Variants in EGF observed in about 807,000 individuals in gnomAD.
EGF encodes the protein epidermal growth factor.
In EGF, 95 loss-of-function variants were observed where a neutral mutation model predicts 143.8. That is an observed-to-expected ratio of 0.66 (90% CI 0.56 to 0.78). The LOEUF is 0.78. EGF is among the 30% of genes least tolerant of loss of function. The pLI is 0.00. For synonymous variants in EGF, 510 were observed against 510.5 expected, an observed-to-expected ratio of 1.00 and a Z score of 0.01; for missense variants, 1,320 against 1,470.9, an observed-to-expected ratio of 0.90 and a Z score of 1.68.
intron 21 of EGF, among the ~76,000 whole-genome samples, chr4:110,001,199 G>A (rs1035731275): frequency 3.3e-5 from 5 of 152,210 alleles, no homozygotes; most frequent in Non-Finnish European, 5.9e-5. Flanking sequence ...AACAAGAATA[G>A]TACTTATCTC....
chr4:109,927,991 C>T (rs1270408638), intron 1 of EGF, among the ~76,000 whole-genome samples: 1 of 151,950 alleles, frequency 6.6e-6, no homozygotes, highest in African/African-American at 2.4e-5. Flanking sequence ...GAAGGATTAC[C>T]TATAGCATAG....
At chr4:109,960,773 T>A (rs2126057286) in intron 6 of EGF, 94 bp from the exon 7 acceptor site, 1 of 1,338,586 alleles carries the variant, frequency 7.5e-7, no homozygotes, top group Non-Finnish European at 1.1e-6. Flanking sequence ...TATACAAGTG[T>A]GAGATACCCT....
intron 18 of EGF, among the ~76,000 whole-genome samples, chr4:109,992,841 A>G (rs1027274657): frequency 7.2e-5 from 11 of 151,792 alleles, no homozygotes; most frequent in African/African-American, 2.2e-4. Context: ...GCAAACTATC[A>G]CAAGGACAAA....
chr4:109,975,040 AATTC>A (rs1390061790), intron 12 of EGF, among the ~76,000 whole-genome samples: 2 of 152,202 alleles, frequency 1.3e-5, no homozygotes, highest in African/African-American at 4.8e-5. Flanking sequence ...AATGCACTGT[AATTC>A]ATTAACCAAC....
chr4:109,930,330 A>G (rs897894877), intron 1 of EGF, among the ~76,000 whole-genome samples: 1 of 152,202 alleles, frequency 6.6e-6, no homozygotes, highest in Admixed American at 6.5e-5. Flanking sequence ...CTGTCATTTA[A>G]GTCAGCACCT....
intron 13 of EGF, among the ~76,000 whole-genome samples, chr4:109,977,736 A>G (rs1748719395): frequency 6.6e-6 from 1 of 152,144 alleles, no homozygotes; most frequent in South Asian, 2.1e-4. Context: ...GCCACTCAGG[A>G]GGCTGAGGTG....
At chr4:109,968,579 A>C (rs1390064025) in intron 10 of EGF, among the ~76,000 whole-genome samples, 2 of 152,120 alleles carry the variant, frequency 1.3e-5, no homozygotes, top group Non-Finnish European at 1.5e-5. Flanking sequence ...AGATCTATCT[A>C]TCTATCTCTC....
intron 10 of EGF, among the ~76,000 whole-genome samples, chr4:109,966,038 AAT>A (rs1553937221): frequency 6.0e-5 from 9 of 150,362 alleles, no homozygotes; most frequent in Admixed American, 2.0e-4. Flanking sequence ...TCTTTAAAAA[AAT>A]ATATATATAT....
intron 3 of EGF, 43 bp downstream of exon 3, chr4:109,943,478 C>A: frequency 6.3e-7 from 1 of 1,579,924 alleles, no homozygotes; most frequent in South Asian, 1.1e-5. Flanking sequence ...ATTTACAAAT[C>A]TAGTGAAGAT....
chr4:109,988,543 G>A, intron 17 of EGF, 41 bp from the exon 18 acceptor site: 1 of 1,613,238 alleles, frequency 6.2e-7, no homozygotes, highest in Non-Finnish European at 8.5e-7. Context: ...TTTATATCAG[G>A]ATTGCCTAAA....
intron 11 of EGF, 115 bp downstream of exon 11, chr4:109,969,234 G>A: frequency 6.9e-7 from 1 of 1,441,086 alleles, no homozygotes; most frequent in Admixed American, 1.8e-5. Context: ...CATTTGGTTG[G>A]GATTGGAGAA....
intron 1 of EGF, among the ~76,000 whole-genome samples, chr4:109,920,291 A>G (rs1737534073): frequency 6.6e-6 from 1 of 151,794 alleles, no homozygotes; most frequent in Non-Finnish European, 1.5e-5. Flanking sequence ...ATTATTGTAC[A>G]GAAGTAGTTT....
At position 109,913,441 on chromosome 4, in the gene EGF, A is replaced by T. The variant is rs748065943; in HGVS notation, c.106A>T (p.Asn36Tyr). The T allele has an allele frequency of 1.2e-6, 2 of 1,613,878 alleles. No individual in the cohort carries two copies. The highest frequency in any genetic ancestry group is 4.5e-5 in the East Asian group (2 of 44,858). Residue 36 changes from asparagine to tyrosine, a missense_variant, in exon 1 of 24, where the codon AAT (asparagine) becomes TAT (tyrosine). This residue lies in a region of EGF where 79 missense variants were observed against 71.2 expected (regional missense o/e 1.11). Transcript: ENST00000265171. ...CTGTCCTGAAGGTACTCTCGCAGGA[A>T]ATGGGAATTCTACTTGTGTGGGTAA... ...WSCPEGTLAGNGNSTCVGPAP... is the reference protein window; with the variant it reads ...WSCPEGTLAGYGNSTCVGPAP...
Position 109,983,413 on chromosome 4 carries a change from C to T in EGF, c.2372-9C>T. The T allele has an allele frequency of 1.9e-6, 3 of 1,612,920 alleles. No individual in the cohort carries two copies. Among genetic ancestry groups the T allele is most frequent in the Non-Finnish European group, 2.5e-6 (3 of 1,179,394 alleles). Reference sequence around the variant, plus strand: ...GCTAAATTTAATTGCATCTATTGACCTTCAATAGGTGGTGAAGTTGATCTA... The same window carrying T: ...GCTAAATTTAATTGCATCTATTGACTTTCAATAGGTGGTGAAGTTGATCTA... On this transcript the variant is annotated splice_polypyrimidine_tract_variant and intron_variant, in intron 15 of 23. Coordinates refer to ENST00000265171, the MANE Select transcript of EGF (RefSeq NM_001963.6).
intron 8 of EGF, among the ~76,000 whole-genome samples, 199 bp downstream of exon 8, chr4:109,962,184 A>G (rs1745812960): frequency 6.6e-6 from 1 of 152,218 alleles, no homozygotes; most frequent in Admixed American, 6.5e-5. Flanking sequence ...TTTAGACAGC[A>G]TAGCGTCTAA....
chr4:109,931,614 G>C (rs1739715275), intron 1 of EGF, among the ~76,000 whole-genome samples: 1 of 152,040 alleles, frequency 6.6e-6, no homozygotes, highest in African/African-American at 2.4e-5. Flanking sequence ...TGTTTTCCTG[G>C]TTCACCAAGA....
chr4:109,933,596 C>G (rs183284816), intron 1 of EGF, among the ~76,000 whole-genome samples: 1 of 152,068 alleles, frequency 6.6e-6, no homozygotes, highest in Non-Finnish European at 1.5e-5. Context: ...CAACAGGCCC[C>G]GGTGTGTGAT....
intron 5 of EGF, among the ~76,000 whole-genome samples, chr4:109,951,353 G>A (rs1029034935): frequency 5.3e-5 from 8 of 151,750 alleles, no homozygotes; most frequent in African/African-American, 1.5e-4. Context: ...GCAAGACTCC[G>A]TCTCAAACCC....
chr4:109,949,007 A>C lies in EGF; in HGVS notation c.940+3732A>C, dbSNP rs143507850. Among the ~76,000 whole-genome samples the C allele has an allele frequency of 4.1e-4, 62 of 152,356 alleles. 2 individuals carry two copies. The East Asian group carries it at 9.6e-3, about 24-fold the overall frequency. ...AAATATTTATACAAATATGAGTATCAATAAACTTACTTCTTGCAAAATGCC... is the reference window on the plus strand; with the variant it reads ...AAATATTTATACAAATATGAGTATCCATAAACTTACTTCTTGCAAAATGCC... On this transcript the variant is annotated intron_variant, in intron 5 of 23. Transcript: ENST00000265171.
Sources: allele counts gnomAD v4.1 joint callset (sites outside exome capture counted in the v4.1 genomes callset), GRCh38; gene constraint gnomAD v4.1.1; regional missense constraint gnomAD v4.1.1; transcripts MANE v1.5; gene names NCBI Gene and HGNC (gene_info 2026-07-23, HGNC 2026-07-21).